The following UGP2 variants were observed in gnomAD, a reference collection of about 807,000 sequenced individuals.
UGP2 encodes UDP-glucose pyrophosphorylase 2, also known as UTP--glucose-1-phosphate uridylyltransferase.
A neutral mutation model predicts 49.0 loss-of-function variants in UGP2; 40 were observed. That is an observed-to-expected ratio of 0.82 (90% confidence interval 0.63 to 1.06). UGP2 has a LOEUF of 1.06. Ranked by LOEUF, UGP2 falls within the 50% of genes least tolerant of loss-of-function variation. The probability of loss-of-function intolerance (pLI) is 0.00; values close to 1 mark genes in which losing one functional copy is unlikely to be tolerated. For missense variants in UGP2, 460 were observed against 603.5 expected, an observed-to-expected ratio of 0.76 and a Z score of 2.49; for synonymous variants, 225 against 213.0, an observed-to-expected ratio of 1.06 and a Z score of -0.49.
intron 1 of UGP2, among the ~76,000 whole-genome samples, chr2:63,851,428 TAGAA>T (rs1161984176): frequency 1.3e-5 from 2 of 152,156 alleles, no homozygotes; most frequent in African/African-American, 4.8e-5. Context: ...TCAGTTGTGG[TAGAA>T]AGAAAGGCCT....
Position 63,890,075 on chromosome 2 carries a change from T to C in UGP2, c.1315-6T>C. The C allele has an allele frequency of 6.9e-6, 11 of 1,592,584 alleles. No homozygotes were observed. The highest frequency in any genetic ancestry group is 9.4e-6 in the Non-Finnish European group (11 of 1,170,428). The stretch of plus-strand genomic sequence containing the variant: ...ACAAATTTTTATGTTTCTCCTTTTC[T>C]GTAAGGTTCAAGATTATCTAAGAAG... On this transcript the variant is annotated splice_polypyrimidine_tract_variant and splice_region_variant and intron_variant, in intron 8 of 9. Transcript: ENST00000337130.
At chr2:63,877,756 G>A (rs529288979) in intron 3 of UGP2, among the ~76,000 whole-genome samples, 1 of 152,092 alleles carries the variant, frequency 6.6e-6, no homozygotes, top group Admixed American at 6.5e-5. Flanking sequence ...CACTTGGGGA[G>A]GCCGAGGCGG....
intron 1 of UGP2, among the ~76,000 whole-genome samples, chr2:63,853,729 G>T (rs1466146368): frequency 6.6e-6 from 1 of 152,170 alleles, no homozygotes; most frequent in Non-Finnish European, 1.5e-5. Flanking sequence ...TGAGATCCAT[G>T]AATTAAGAAA....
chr2:63,852,491 T>C lies in UGP2; in HGVS notation c.20-3815T>C, dbSNP rs141825011. Reference sequence around the variant, plus strand: ...CATTAGCTTTGGCTACTCCAAAAGATACTTCAGCTTGGCTTTTGAGACATG... The same window carrying C: ...CATTAGCTTTGGCTACTCCAAAAGACACTTCAGCTTGGCTTTTGAGACATG... On this transcript the variant is annotated intron_variant, in intron 1 of 9. Coordinates refer to ENST00000337130, the MANE Select transcript of UGP2 (RefSeq NM_006759.4). Among the ~76,000 whole-genome samples, 8 of 152,372 alleles carry C rather than the reference T, an allele frequency of 5.3e-5. No individual in the cohort carries two copies. The East Asian group carries it at 1.5e-3, about 29-fold the overall frequency.
In UGP2 at chr2:63,881,781, C is replaced by A. The variant is rs185773162; in HGVS notation, c.256-685C>A. Reference sequence around the variant, plus strand: ...GGATTTTCTTCAGCCCCACCTCTTGCCCTTTCCCTCCCTTCCAGGGCATTT... The same window carrying A: ...GGATTTTCTTCAGCCCCACCTCTTGACCTTTCCCTCCCTTCCAGGGCATTT... On this transcript the variant is annotated intron_variant, in intron 3 of 9. Coordinates refer to ENST00000337130, the MANE Select transcript of UGP2 (RefSeq NM_006759.4). Among the ~76,000 whole-genome samples the A allele has an allele frequency of 9.2e-5, 14 of 152,342 alleles. No homozygotes were observed. In the East Asian group the frequency reaches 2.7e-3, roughly 29 times the overall value.
At chr2:63,866,465 C>G (rs1670193911) in intron 3 of UGP2, among the ~76,000 whole-genome samples, 1 of 152,060 alleles carries the variant, frequency 6.6e-6, no homozygotes, top group South Asian at 2.1e-4. Flanking sequence ...GAAGGAGCAG[C>G]TGGTGAGTTG....
intron 3 of UGP2, among the ~76,000 whole-genome samples, chr2:63,875,922 C>G (rs575078158): frequency 1.3e-4 from 20 of 152,264 alleles, no homozygotes; most frequent in African/African-American, 4.6e-4. Flanking sequence ...TAAAGTGATT[C>G]AGTCAGAGTA....
At chr2:63,865,993 A>C (rs1156455146) in intron 3 of UGP2, among the ~76,000 whole-genome samples, 1 of 152,238 alleles carries the variant, frequency 6.6e-6, no homozygotes, top group East Asian at 1.9e-4. Flanking sequence ...AATGGGTTTA[A>C]AAAAGCTCTT....
chr2:63,878,136 T>C (rs540161295), intron 3 of UGP2, among the ~76,000 whole-genome samples: 4 of 151,912 alleles, frequency 2.6e-5, no homozygotes, highest in South Asian at 4.2e-4. Context: ...TTCCAAAGCA[T>C]AATTTTGGGA....
intron 9 of UGP2, among the ~76,000 whole-genome samples, chr2:63,890,439 T>G (rs1465915606): frequency 6.6e-6 from 1 of 152,328 alleles, no homozygotes; most frequent in Middle Eastern, 3.4e-3. Context: ...AGGAATGTTA[T>G]CACTGTAAGA....
chr2:63,853,323 A>T (rs1669161888), intron 1 of UGP2, among the ~76,000 whole-genome samples: 1 of 152,100 alleles, frequency 6.6e-6, no homozygotes. Flanking sequence ...ATTTCCTTGA[A>T]ATAATCAAGA....
chr2:63,873,884 C>G (rs1163578301), intron 3 of UGP2, among the ~76,000 whole-genome samples: 4 of 152,148 alleles, frequency 2.6e-5, no homozygotes, highest in African/African-American at 9.7e-5. Context: ...ATGTGGTAAT[C>G]AGAAACTTGG....
chr2:63,842,372 G>A, intron 1 of UGP2, 168 bp downstream of exon 1: 1 of 1,600,366 alleles, frequency 6.2e-7, no homozygotes, highest in South Asian at 1.1e-5. Flanking sequence ...CTGGGTTGAC[G>A]TTCCAGACGC....
In UGP2 at chr2:63,882,580, A is replaced by G. The variant is rs1247312594; in HGVS notation, c.370A>G (p.Lys124Glu). 2.5e-6 allele frequency: 4 copies of G among 1,611,518 alleles called. No individual in the cohort carries two copies. In the Admixed American group the frequency reaches 6.7e-5, roughly 27 times the overall value. ...TGGTTTGGGAACCAGCATGGGCTGC[A>G]AAGGCCCTAAAAGTCTGATTGGTGT... ...NGGLGTSMGC[K>E]GPKSLIGVRN... The change falls in exon 4 of 10, where the codon AAA (lysine) becomes GAA (glutamate). Residue 124 changes from lysine to glutamate, a missense_variant. Physicochemically the swap from Lys to Glu is moderately conservative, Grantham distance 56. Transcript: ENST00000337130.
intron 3 of UGP2, among the ~76,000 whole-genome samples, chr2:63,864,605 T>C (rs1670055198): frequency 6.6e-6 from 1 of 152,204 alleles, no homozygotes; most frequent in African/African-American, 2.4e-5. Context: ...TTTCCTTAGC[T>C]AATAAGGCAG....
intron 1 of UGP2, among the ~76,000 whole-genome samples, chr2:63,853,659 A>AGTGTCAGG (rs1165745557): frequency 6.6e-6 from 1 of 152,106 alleles, no homozygotes; most frequent in African/African-American, 2.4e-5. Flanking sequence ...TGTTTGCGCC[A>AGTGTCAGG]GTGTCAGGGT....
chr2:63,887,281 T>A, intron 7 of UGP2, 121 bp from the exon 8 acceptor site: 18 of 1,403,392 alleles, frequency 1.3e-5, no homozygotes, highest in Non-Finnish European at 1.5e-5. Context: ...AAAAAAAAAT[T>A]TTTTTTTTTC....
At chr2:63,855,643 G>C (rs564328623) in intron 1 of UGP2, 1 of 435,504 alleles carries the variant, frequency 2.3e-6, no homozygotes, top group Non-Finnish European at 4.6e-6. Flanking sequence ...CTCGGCTCAA[G>C]GTATCCTCCT....
intron 3 of UGP2, among the ~76,000 whole-genome samples, chr2:63,870,864 A>G (rs1256900223): frequency 6.6e-6 from 1 of 152,160 alleles, no homozygotes; most frequent in African/African-American, 2.4e-5. Context: ...TTGCTGTGAT[A>G]GGAGGCGGTA....
Sources: gnomAD v4.1 joint callset for allele counts (sites outside exome capture counted in the v4.1 genomes callset) on GRCh38, gnomAD v4.1.1 for gene constraint, MANE v1.5 for transcripts, NCBI Gene and HGNC (gene_info 2026-07-23, HGNC 2026-07-21) for gene names.